ADAM8: variants seen among roughly 807,000 people sequenced by gnomAD.
ADAM8 encodes the protein ADAM metallopeptidase domain 8.
ADAM8 carries 104 observed loss-of-function variants against 102.4 expected under a neutral mutation model. The ratio of observed to expected loss-of-function variants is 1.02; its 90% confidence interval spans 0.87 to 1.20. The LOEUF (loss-of-function observed/expected upper bound fraction) is 1.20, where lower values mean the gene tolerates loss of function less well. Ranked by LOEUF, ADAM8 falls within the 50% of genes most tolerant of loss-of-function variation. The probability of loss-of-function intolerance (pLI) is 0.00; values close to 1 mark genes in which losing one functional copy is unlikely to be tolerated. For missense variants in ADAM8, 1,132 were observed against 1,159.0 expected (o/e 0.98, Z 0.34); for synonymous variants, 517 against 485.2 (o/e 1.07, Z -0.86).
intron 22 of ADAM8, 79 bp downstream of exon 22, chr10:133,263,609 A>AGGGCCACCGTCAGCCCCGTGGGGAGGCC: frequency 1.5e-5 from 1 of 64,798 alleles, no homozygotes. Flanking sequence ...CCTCCAGGGC[A>AGGGCCACCGTCAGCCCCGTGGGGAGGCC]GTGCCACCGT....
At position 133,262,892 on chromosome 10, in the gene ADAM8, C is replaced by T. The variant is rs1450554788; in HGVS notation, c.*264G>A. 6 of 595,918 alleles carry T rather than the reference C, an allele frequency of 1.0e-5. No individual in the cohort carries two copies. Among genetic ancestry groups the T allele is most frequent in the South Asian group, 1.9e-5 (1 of 53,582 alleles). The allele number at this position is 595,918 out of a possible 1,614,324, so 36.9% of individuals were successfully genotyped here. A position where few individuals can be genotyped will look rare whatever the true frequency, so the allele number is the denominator to read the frequency against. On this transcript the variant is annotated 3_prime_UTR_variant, in exon 23 of 23. Coordinates refer to ENST00000445355, the MANE Select transcript of ADAM8 (RefSeq NM_001109.5). Reference sequence around the variant, plus strand: ...CCACCTGGAGACACGTACACACACACGCACCCGCAAGCACACAGCTCATCC... The same window carrying T: ...CCACCTGGAGACACGTACACACACATGCACCCGCAAGCACACAGCTCATCC...
rs374725601 is a variant in ADAM8 at position 133,272,822 on chromosome 10, C to T, written c.681G>A (p.Leu227=). Residue 227 remains leucine, a synonymous_variant, in exon 8 of 23, where the codon CTG becomes CTA. Coordinates refer to ENST00000445355, the MANE Select transcript of ADAM8 (RefSeq NM_001109.5). Reference sequence around the variant, plus strand: ...CCTTGTCCACGTGATTCACCACCTCCAGCACCCGATGACGCACGGCTGCTT... The same window carrying T: ...CCTTGTCCACGTGATTCACCACCTCTAGCACCCGATGACGCACGGCTGCTT... The part of the protein sequence containing the change: ...GSEAAVRHRV[L]EVVNHVDKLY... 1.9e-6 allele frequency: 3 copies of T among 1,611,192 alleles called. No homozygotes were observed. The African/African-American group carries it at 4.0e-5, about 22-fold the overall frequency.
rs371362381 is a variant in ADAM8, at chr10:133,267,434, C to T, written c.2254-17G>A. ...GACCGGAGGCTGGAGGAGACAGGGCCGAGAGCCTGGGTCAGAGCTGGGACC... is the reference window on the plus strand; with the variant it reads ...GACCGGAGGCTGGAGGAGACAGGGCTGAGAGCCTGGGTCAGAGCTGGGACC... On this transcript the variant is annotated splice_polypyrimidine_tract_variant and intron_variant, in intron 20 of 22. Coordinates refer to ENST00000445355, the MANE Select transcript of ADAM8 (RefSeq NM_001109.5). The T allele has an allele frequency of 6.2e-6, 10 of 1,601,768 alleles. No homozygotes were observed. In the African/African-American group the frequency reaches 6.7e-5, roughly 11 times the overall value.
At chr10:133,274,677 G>C (rs972389165) in intron 2 of ADAM8, 5 of 293,404 alleles carry the variant, frequency 1.7e-5, no homozygotes, top group East Asian at 1.4e-4. Context: ...AGCATAGGGT[G>C]GGGGAGGCAT....
chr10:133,274,637 T>C (rs895275725), intron 2 of ADAM8, among the ~76,000 whole-genome samples: 3 of 151,272 alleles, frequency 2.0e-5, no homozygotes, highest in Admixed American at 6.6e-5. Flanking sequence ...TGACCACGCA[T>C]GGGTAACGAC....
intron 5 of ADAM8, 70 bp downstream of exon 5, chr10:133,273,692 C>T (rs557382210): frequency 1.3e-6 from 2 of 1,496,672 alleles, no homozygotes; most frequent in South Asian, 2.5e-5. Flanking sequence ...CCTCCCTTCC[C>T]CACCCCCACC....
Position 133,272,997 on chromosome 10 carries a change from G to T in ADAM8, c.596C>A (p.Thr199Asn). The change falls in exon 7 of 23, where the codon ACC becomes AAC. Residue 199 changes from threonine (T) to asparagine (N), a missense_variant. By Grantham distance (65) the Thr-to-Asn change is moderately conservative (BLOSUM62 0). Coordinates refer to ENST00000445355, the MANE Select transcript of ADAM8 (RefSeq NM_001109.5). ...GACCACATACAGCTCCACGTAGCGG[G>T]TCTCTCGGGATGGCAGAGAGTCCTG... Reference protein sequence around the residue: ...RPGDSLPSRETRYVELYVVVD... With the variant: ...RPGDSLPSRENRYVELYVVVD... The T allele has an allele frequency of 6.2e-7, 1 of 1,612,812 alleles. No homozygotes were observed. Among genetic ancestry groups the T allele is most frequent in the Admixed American group, 1.7e-5 (1 of 60,024 alleles).
chr10:133,275,703 C>T (rs975552797), intron 1 of ADAM8, 116 bp from the exon 2 acceptor site: 1 of 574,854 alleles, frequency 1.7e-6, no homozygotes, highest in South Asian at 2.5e-5. Flanking sequence ...CTGGGGAACT[C>T]ACCAGATAGC....
intron 21 of ADAM8, among the ~76,000 whole-genome samples, chr10:133,267,090 G>GTT (rs1846345679): frequency 6.6e-6 from 1 of 152,136 alleles, no homozygotes; most frequent in Admixed American, 6.5e-5. Flanking sequence ...TTGGTGGGCG[G>GTT]AGCAGGTCTG....
At chr10:133,275,433 A>G (rs1846716029) in intron 2 of ADAM8, 51 bp downstream of exon 2, 4 of 1,394,296 alleles carry the variant, frequency 2.9e-6, no homozygotes, top group Non-Finnish European at 2.9e-6. Context: ...CTTTCACAAA[A>G]ATAGGCTCAG....
At chr10:133,268,551 CCA>C (rs1432474764) in intron 19 of ADAM8, among the ~76,000 whole-genome samples, 195 bp downstream of exon 19, 2 of 152,218 alleles carry the variant, frequency 1.3e-5, no homozygotes, top group Non-Finnish European at 2.9e-5. Context: ...AAGGTGGAGT[CCA>C]GAGTGGCACT....
intron 12 of ADAM8, 21 bp downstream of exon 12, chr10:133,271,506 CA>C: frequency 1.3e-6 from 2 of 1,534,208 alleles, no homozygotes; most frequent in Non-Finnish European, 8.8e-7. Flanking sequence ...CTGACGGGAG[CA>C]GGTATGGGGC....
At chr10:133,265,426 T>A (rs578201209) in intron 21 of ADAM8, among the ~76,000 whole-genome samples, 2 of 152,360 alleles carry the variant, frequency 1.3e-5, no homozygotes, top group Non-Finnish European at 2.9e-5. Context: ...CTTCTAGGAC[T>A]ATTTCTGCAA....
intron 5 of ADAM8, 41 bp from the exon 6 acceptor site, chr10:133,273,484 T>A: frequency 6.7e-7 from 1 of 1,503,706 alleles, no homozygotes. Flanking sequence ...GGCTTCAGAG[T>A]GGCCTGGTCC....
chr10:133,263,788 GACA>G, intron 21 of ADAM8, 23 bp from the exon 22 acceptor site: 2 of 1,515,376 alleles, frequency 1.3e-6, no homozygotes, highest in Non-Finnish European at 1.8e-6. Flanking sequence ...AGACACAGCT[GACA>G]TGGGTCCCCC....
intron 10 of ADAM8, 29 bp downstream of exon 10, chr10:133,272,164 C>A: frequency 6.5e-7 from 1 of 1,548,594 alleles, no homozygotes; most frequent in Non-Finnish European, 8.7e-7. Context: ...TGGCCTCGGC[C>A]TGGCAAACCC....
rs1389686358 is a variant in ADAM8 at position 133,262,638 on chromosome 10, A to AG, written c.*517dup. 1 of 154,410 alleles carries AG rather than the reference A, an allele frequency of 6.5e-6. No homozygotes were observed. The highest frequency in any genetic ancestry group is 1.4e-5 in the Non-Finnish European group (1 of 69,272). 9.6% of individuals were successfully genotyped at this position (154,410 alleles called of 1,614,324 possible). On this transcript the variant is annotated 3_prime_UTR_variant, in exon 23 of 23. Transcript: ENST00000445355. ...CCCATGGGAAACAGGCCCCAAGATCAGGGGACCTGGAGTCGGGAGCTTGGG... is the reference window on the plus strand; with the variant it reads ...CCCATGGGAAACAGGCCCCAAGATCAGGGGGACCTGGAGTCGGGAGCTTGGG...
At chr10:133,268,307 T>C (rs1429059900) in intron 19 of ADAM8, among the ~76,000 whole-genome samples, 189 bp from the exon 20 acceptor site, 1 of 152,156 alleles carries the variant, frequency 6.6e-6, no homozygotes, top group East Asian at 1.9e-4. Context: ...CTCCATGTCC[T>C]GGGGGCCCCA....
In ADAM8 at chr10:133,271,868, G is replaced by A. The variant is rs763383048; in HGVS notation, c.1044C>T (p.Val348=). ...HNLGMDHDEN[V]QGCRCQERFE... The stretch of plus-strand genomic sequence containing the variant: ...AGCGTTCCTGGCAGCGGCAGCCCTG[G>A]ACGTTCTCATCATGGTCCATGCCCA... The change falls in exon 11 of 23, where the codon GTC becomes GTT. Residue 348 remains valine (V), a synonymous_variant. Coordinates refer to ENST00000445355, the MANE Select transcript of ADAM8 (RefSeq NM_001109.5). The A allele has an allele frequency of 1.9e-6, 3 of 1,612,716 alleles. No individual in the cohort carries two copies. Among genetic ancestry groups the A allele is most frequent in the African/African-American group, 1.3e-5 (1 of 75,070 alleles).
Sources: gnomAD v4.1 joint callset for allele counts (sites outside exome capture counted in the v4.1 genomes callset) on GRCh38, gnomAD v4.1.1 for gene constraint, MANE v1.5 for transcripts, NCBI Gene and HGNC (gene_info 2026-07-23, HGNC 2026-07-21) for gene names.